MYO6: variants seen among roughly 807,000 people sequenced by gnomAD.
The protein encoded by MYO6 is unconventional myosin-VI.
In MYO6, 74 loss-of-function variants were observed where a neutral mutation model predicts 178.7. The ratio of observed to expected loss-of-function variants is 0.41; its 90% confidence interval spans 0.34 to 0.50. MYO6 has a LOEUF of 0.50. MYO6 is among the 20% of genes least tolerant of loss of function. The probability of loss-of-function intolerance (pLI) is 0.09; values close to 1 mark genes in which losing one functional copy is unlikely to be tolerated. For synonymous variants in MYO6, 477 were observed against 504.6 expected, an observed-to-expected ratio of 0.95 and a Z score of 0.73; for missense variants, 1,330 against 1,547.4, an observed-to-expected ratio of 0.86 and a Z score of 2.36.
chr6:75,757,827 A>C (rs891758482), intron 1 of MYO6, among the ~76,000 whole-genome samples: 7 of 152,040 alleles, frequency 4.6e-5, no homozygotes, highest in Non-Finnish European at 1.0e-4. Flanking sequence ...ATACATGTAA[A>C]ACACAGATCA....
At chr6:75,787,686 CTCTCTCTCT>C (rs1767725667) in intron 1 of MYO6, among the ~76,000 whole-genome samples, 2 of 17,204 alleles carry the variant, frequency 1.2e-4, no homozygotes, top group Non-Finnish European at 1.7e-4. Context: ...TTCTCTCTCT[CTCTCTCTCT>C]CTCTCTCTCT....
chr6:75,757,068 A>G (rs868609237), intron 1 of MYO6, among the ~76,000 whole-genome samples: 4 of 144,452 alleles, frequency 2.8e-5, no homozygotes, highest in Non-Finnish European at 6.1e-5. Flanking sequence ...ATACACACAT[A>G]TATAGTGTGT....
intron 20 of MYO6, among the ~76,000 whole-genome samples, chr6:75,879,419 A>ATT (rs34598660): frequency 3.2e-5 from 4 of 126,402 alleles, no homozygotes; most frequent in East Asian, 2.3e-4. Context: ...TGATTTCTCT[A>ATT]TTTTTTTTTT....
chr6:75,809,564 G>T (rs1770459353), intron 1 of MYO6, among the ~76,000 whole-genome samples: 1 of 151,780 alleles, frequency 6.6e-6, no homozygotes, highest in African/African-American at 2.4e-5. Flanking sequence ...AGGAAGGCAG[G>T]AATTACAGGC....
At position 75,813,507 on chromosome 6, in the gene MYO6, C is replaced by T. The variant is rs566576792; in HGVS notation, c.-47-3994C>T. Among the ~76,000 whole-genome samples the T allele has an allele frequency of 1.2e-4, 19 of 152,178 alleles. No homozygotes were observed. The South Asian group carries it at 2.1e-3, about 17-fold the overall frequency. On this transcript the variant is annotated intron_variant, in intron 1 of 34. Transcript: ENST00000369977. ...CCGGGGATCAGGGACCCCAGGAGCC[C>T]GCTTGGTGCTCGTTAACCCACTCTG...
chr6:75,858,596 A>G (rs1184850872), intron 13 of MYO6, among the ~76,000 whole-genome samples: 7 of 152,214 alleles, frequency 4.6e-5, no homozygotes, highest in South Asian at 2.1e-4. Flanking sequence ...CAGGGATCCT[A>G]TCTCAAAAAT....
At chr6:75,770,727 A>G (rs1049626521) in intron 1 of MYO6, among the ~76,000 whole-genome samples, 1 of 152,044 alleles carries the variant, frequency 6.6e-6, no homozygotes, top group East Asian at 1.9e-4. Flanking sequence ...TCCACCAGCC[A>G]TGGCCTCCCA....
chr6:75,819,518 A>G (rs1326437064), intron 2 of MYO6, among the ~76,000 whole-genome samples: 1 of 152,206 alleles, frequency 6.6e-6, no homozygotes. Context: ...AGTGAGGAAC[A>G]TGTCTTGATA....
At chr6:75,758,694 G>T (rs551895492) in intron 1 of MYO6, among the ~76,000 whole-genome samples, 1 of 152,076 alleles carries the variant, frequency 6.6e-6, no homozygotes, top group Admixed American at 6.6e-5. Flanking sequence ...TCCTGACCTC[G>T]TGATCTGCCC....
At chr6:75,822,241 G>T (rs1432332399) in intron 2 of MYO6, among the ~76,000 whole-genome samples, 5 of 152,046 alleles carry the variant, frequency 3.3e-5, no homozygotes, top group African/African-American at 1.2e-4. Context: ...GGGATTACAG[G>T]GGTGCTGCAT....
intron 10 of MYO6, among the ~76,000 whole-genome samples, chr6:75,847,688 T>C (rs1420955462): frequency 6.6e-6 from 1 of 151,982 alleles, no homozygotes; most frequent in Non-Finnish European, 1.5e-5. Flanking sequence ...TATATATATA[T>C]GCATATAAAA....
chr6:75,772,579 A>ATAC (rs1489316797), intron 1 of MYO6, among the ~76,000 whole-genome samples: 2 of 152,234 alleles, frequency 1.3e-5, no homozygotes, highest in African/African-American at 4.8e-5. Flanking sequence ...GAGCATCCAG[A>ATAC]TACTACAAGG....
chr6:75,818,763 A>G (rs146383766), intron 2 of MYO6, among the ~76,000 whole-genome samples: 1 of 152,310 alleles, frequency 6.6e-6, no homozygotes, highest in East Asian at 1.9e-4. Flanking sequence ...GTGCCATGTT[A>G]GAGGAGGCCA....
chr6:75,834,341 TCCTA>T (rs1773429508), intron 6 of MYO6, among the ~76,000 whole-genome samples: 1 of 152,052 alleles, frequency 6.6e-6, no homozygotes, highest in African/African-American at 2.4e-5. Context: ...CAAGTGATCC[TCCTA>T]CCTCAGCCTC....
At chr6:75,764,239 C>G (rs917434217) in intron 1 of MYO6, among the ~76,000 whole-genome samples, 3 of 152,090 alleles carry the variant, frequency 2.0e-5, no homozygotes, top group Non-Finnish European at 4.4e-5. Flanking sequence ...ATTCAAAATC[C>G]TTTTTGACCT....
chr6:75,845,078 C>A, intron 10 of MYO6, 101 bp downstream of exon 10: 1 of 927,282 alleles, frequency 1.1e-6, no homozygotes, highest in Non-Finnish European at 1.7e-6. Flanking sequence ...AGAGTTCTAA[C>A]TTTTAGGCTT....
At chr6:75,806,128 TA>T (rs1271690756) in intron 1 of MYO6, among the ~76,000 whole-genome samples, 1 of 152,032 alleles carries the variant, frequency 6.6e-6, no homozygotes, top group Admixed American at 6.6e-5. Context: ...ATGAAGACAT[TA>T]AAAAAAGAGG....
chr6:75,824,256 C>T (rs769023331), intron 3 of MYO6, among the ~76,000 whole-genome samples: 8 of 152,180 alleles, frequency 5.3e-5, no homozygotes, highest in Non-Finnish European at 8.8e-5. Flanking sequence ...TTTTTGCAAC[C>T]TCAGTATTTG....
chr6:75,769,155 C>T (rs77005015), intron 1 of MYO6, among the ~76,000 whole-genome samples: 2,472 of 152,336 alleles, frequency 0.016, 66 homozygotes, highest in African/African-American at 0.057. Flanking sequence ...CCATCTCTAA[C>T]ATCGGAGGCC....
Sources: allele counts gnomAD v4.1 joint callset (sites outside exome capture counted in the v4.1 genomes callset), GRCh38; gene constraint gnomAD v4.1.1; transcripts MANE v1.5; gene names NCBI Gene and HGNC (gene_info 2026-07-23, HGNC 2026-07-21).